The following ADCY1 variants were observed in gnomAD, a reference collection of about 807,000 sequenced individuals.
ADCY1 encodes the protein adenylate cyclase 1.
ADCY1 carries 28 observed loss-of-function variants against 105.4 expected under a neutral mutation model. The observed-to-expected ratio is 0.27, with a 90% CI of 0.20 to 0.36. The LOEUF is 0.36. Among genes scored for constraint, ADCY1 ranks in the 10% least tolerant of loss-of-function variants. ADCY1 has a pLI of 1.00. For synonymous variants in ADCY1, 655 were observed against 623.8 expected (o/e 1.05, Z -0.75); for missense variants, 977 against 1,434.2 (o/e 0.68, Z 5.15).
intron 17 of ADCY1, among the ~76,000 whole-genome samples, chr7:45,704,904 C>T (rs570861517): frequency 8.4e-4 from 128 of 151,778 alleles, no homozygotes; most frequent in African/African-American, 2.7e-3. Context: ...CCCGCACTGG[C>T]CCACCTCCTC....
At chr7:45,692,797 C>T (rs1784808082) in intron 14 of ADCY1, among the ~76,000 whole-genome samples, 1 of 151,936 alleles carries the variant, frequency 6.6e-6, no homozygotes. Flanking sequence ...CATCACATTG[C>T]ACATCTTAGA....
intron 8 of ADCY1, chr7:45,664,323 T>A (rs1353032997): frequency 6.5e-7 from 1 of 1,536,164 alleles, no homozygotes; most frequent in Non-Finnish European, 8.7e-7. Context: ...GGCCTGGATG[T>A]CCTCCTGGGG....
At chr7:45,616,899 A>G (rs970474159) in intron 3 of ADCY1, among the ~76,000 whole-genome samples, 1 of 152,220 alleles carries the variant, frequency 6.6e-6, no homozygotes, top group Admixed American at 6.5e-5. Context: ...AAAACAGGCA[A>G]CCCACAGGAG....
At chr7:45,595,129 C>A (rs1793035872) in intron 2 of ADCY1, among the ~76,000 whole-genome samples, 1 of 152,166 alleles carries the variant, frequency 6.6e-6, no homozygotes, top group Non-Finnish European at 1.5e-5. Flanking sequence ...TATGTCATTT[C>A]TTTCCCAAGT....
At position 45,587,103 on chromosome 7, in the gene ADCY1, A is replaced by G. The variant is rs901225926; in HGVS notation, c.640-5656A>G. Among the ~76,000 whole-genome samples the G allele has an allele frequency of 5.3e-5, 8 of 152,242 alleles. No individual in the cohort carries two copies. In the East Asian group the frequency reaches 1.2e-3, roughly 22 times the overall value. On this transcript the variant is annotated intron_variant, in intron 1 of 19. Coordinates refer to ENST00000297323, the MANE Select transcript of ADCY1 (RefSeq NM_021116.4). ...GCAAATTCAATAGAGAGGTTTTCAT[A>G]CCCAATAGGAGTGATCCTGGGGTGA...
intron 2 of ADCY1, among the ~76,000 whole-genome samples, chr7:45,602,350 C>T (rs1156671060): frequency 1.3e-5 from 2 of 152,114 alleles, no homozygotes; most frequent in African/African-American, 2.4e-5. Flanking sequence ...TCACCCTCAG[C>T]TTCCTCCTCC....
chr7:45,603,222 T>G (rs1041151771), intron 2 of ADCY1, among the ~76,000 whole-genome samples: 1 of 152,274 alleles, frequency 6.6e-6, no homozygotes, highest in Non-Finnish European at 1.5e-5. Flanking sequence ...TGATACATAT[T>G]TGGGTTGTTT....
intron 3 of ADCY1, among the ~76,000 whole-genome samples, chr7:45,612,626 CA>C (rs1420495091): frequency 2.6e-5 from 4 of 152,198 alleles, no homozygotes; most frequent in African/African-American, 9.6e-5. Context: ...AGCTGGCAGA[CA>C]TCACTGACCC....
chr7:45,697,011 T>C (rs1009927934), intron 14 of ADCY1, among the ~76,000 whole-genome samples: 12 of 152,232 alleles, frequency 7.9e-5, no homozygotes, highest in Admixed American at 1.3e-4. Flanking sequence ...GGCCTTTCAC[T>C]GTGGCAAGAA....
intron 5 of ADCY1, among the ~76,000 whole-genome samples, chr7:45,652,905 C>T (rs144283543): frequency 7.0e-4 from 107 of 152,332 alleles, no homozygotes; most frequent in African/African-American, 2.5e-3. Flanking sequence ...TGGGCTGGGG[C>T]ATCTCCAAGG....
chr7:45,610,769 AGTGGAGGTGTGGGG>A (rs1793528642), intron 3 of ADCY1, among the ~76,000 whole-genome samples: 1 of 21,518 alleles, frequency 4.6e-5, no homozygotes, highest in Non-Finnish European at 8.9e-5. Context: ...TAGAGGTGAT[AGTGGAGGTGTGGGG>A]GTGATGGTGG....
chr7:45,709,189 G>A (rs1377542009), intron 18 of ADCY1, among the ~76,000 whole-genome samples: 1 of 152,172 alleles, frequency 6.6e-6, no homozygotes, highest in African/African-American at 2.4e-5. Flanking sequence ...TGAAAAGCAA[G>A]CTCGGCTTTA....
At position 45,657,894 on chromosome 7, in the gene ADCY1, G is replaced by C; in HGVS notation, c.1307+9G>C. The C allele has an allele frequency of 6.2e-7, 1 of 1,600,646 alleles. No individual in the cohort carries two copies. The highest frequency in any genetic ancestry group is 8.5e-7 in the Non-Finnish European group (1 of 1,172,980). ...GCCGCTGGCCTGCCAGGGTAAGTCG[G>C]GGATGGGGTGGGGAGGGGAGGGAGG... is the stretch of plus-strand genomic sequence containing the variant. On this transcript the variant is annotated intron_variant, in intron 6 of 19. Coordinates refer to ENST00000297323, the MANE Select transcript of ADCY1 (RefSeq NM_021116.4).
In ADCY1 at chr7:45,664,354, A is replaced by G. The variant is rs1254795466; in HGVS notation, c.1605+2140A>G. On this transcript the variant is annotated intron_variant, in intron 8 of 19. Transcript: ENST00000297323. ...TGGGGTTTTGGTCTCCCACCCTGCA[A>G]CGGGGACGACTGTGCACGTAGCTTC... 5 of 1,535,974 alleles carry G rather than the reference A, an allele frequency of 3.3e-6. No individual in the cohort carries two copies. In the African/African-American group the frequency reaches 4.1e-5, roughly 13 times the overall value.
At chr7:45,671,583 TTC>T (rs766335715) in intron 8 of ADCY1, among the ~76,000 whole-genome samples, 14 of 150,978 alleles carry the variant, frequency 9.3e-5, no homozygotes, top group East Asian at 3.9e-4. Context: ...GCATTTGGTG[TTC>T]TCTCTCTCTC....
Position 45,647,743 on chromosome 7 carries a change from G to A in ADCY1, c.1021-927G>A, listed in dbSNP as rs1217587388. Among the ~76,000 whole-genome samples, 1 of 152,190 alleles carries A rather than the reference G, an allele frequency of 6.6e-6. No homozygotes were observed. The highest frequency in any genetic ancestry group is 1.5e-5 in the Non-Finnish European group (1 of 68,038). On this transcript the variant is annotated intron_variant, in intron 4 of 19. Coordinates refer to ENST00000297323, the MANE Select transcript of ADCY1 (RefSeq NM_021116.4). The surrounding 1 kb of genome is among the most constrained non-coding windows in gnomAD (Gnocchi z 4.6). ...CTCATTGTCTTTTGTTTGGGGAAAT[G>A]TCGTGATTTTTCATAAAATGTTATT...
At chr7:45,679,580 A>G (rs1167683631) in intron 10 of ADCY1, 129 bp from the exon 11 acceptor site, 9 of 859,436 alleles carry the variant, frequency 1.0e-5, no homozygotes, top group Admixed American at 4.1e-5. Flanking sequence ...GCAGGCATCC[A>G]GGTTAACGAT....
chr7:45,637,301 C>T (rs1014336046), intron 4 of ADCY1, among the ~76,000 whole-genome samples: 1 of 152,196 alleles, frequency 6.6e-6, no homozygotes, highest in Non-Finnish European at 1.5e-5. Context: ...ATTTTATTTA[C>T]ACAGTCAATT....
At chr7:45,643,899 CAGGGAGGCTT>C (rs1183967467) in intron 4 of ADCY1, among the ~76,000 whole-genome samples, 2 of 152,234 alleles carry the variant, frequency 1.3e-5, no homozygotes, top group African/African-American at 2.4e-5. Context: ...TCCCCTGAGG[CAGGGAGGCTT>C]CCGGGGACCT....
Sources: allele counts gnomAD v4.1 joint callset (sites outside exome capture counted in the v4.1 genomes callset), GRCh38; gene constraint gnomAD v4.1.1; non-coding constraint Gnocchi (gnomAD v3.1); transcripts MANE v1.5; gene names NCBI Gene and HGNC (gene_info 2026-07-23, HGNC 2026-07-21).